The following SON variants were observed in gnomAD, a reference collection of about 807,000 sequenced individuals.
The protein encoded by SON is protein SON.
SON carries 4 observed loss-of-function variants against 173.3 expected under a neutral mutation model. That is an observed-to-expected ratio of 0.02 (90% confidence interval 0.01 to 0.05). The LOEUF is 0.05. SON is among the 10% of genes least tolerant of loss of function. The pLI is 1.00. For synonymous variants in SON, 1,190 were observed against 1,105.9 expected (o/e 1.08, Z -1.51); for missense variants, 2,626 against 3,055.3 (o/e 0.86, Z 3.31).
intron 6 of SON, chr21:33,560,363 C>T (rs1475109321): frequency 2.4e-6 from 3 of 1,255,470 alleles, no homozygotes; most frequent in South Asian, 2.5e-5. Context: ...TGTGTTTAAC[C>T]TAATGCTCAG....
At position 33,552,496 on chromosome 21, in the gene SON, G is replaced by C; in HGVS notation, c.3265G>C (p.Asp1089His). The C allele has an allele frequency of 6.2e-7, 1 of 1,613,984 alleles. No homozygotes were observed. The highest frequency in any genetic ancestry group is 8.5e-7 in the Non-Finnish European group (1 of 1,179,978). The change falls in exon 3 of 12, where the codon GAC becomes CAC. Residue 1089 changes from aspartate to histidine, a missense_variant. This residue lies in a region of SON where 366 missense variants were observed against 448.6 expected (regional missense o/e 0.82). Transcript: ENST00000356577. This position sits in a 1 kb window ranked among gnomAD's most constrained non-coding sequence, Gnocchi z 5.6. ...TCGATCTATGATGTCCATGGGTGCT[G>C]ACCGGTCTATGATGTCGTCATACTC... ...ADRSMMSMGA[D>H]RSMMSSYSAA...
In SON at chr21:33,554,875, GGAA is replaced by G; in HGVS notation, c.5650_5652del (p.Arg1884del). 5 of 1,614,112 alleles carry G rather than the reference GGAA, an allele frequency of 3.1e-6. No individual in the cohort carries two copies. The highest frequency in any genetic ancestry group is 4.2e-6 in the Non-Finnish European group (5 of 1,180,024). ...CAGCAGATCAAGATCAAAGTCTAGA[GGAA>G]GAAGATCTGTATCAAAAGAGAAGCG... On this transcript the variant is annotated inframe_deletion, in exon 3 of 12. Transcript: ENST00000356577.
chr21:33,563,393 A>G (rs533498435), intron 6 of SON, among the ~76,000 whole-genome samples: 2 of 127,490 alleles, frequency 1.6e-5, no homozygotes, highest in Non-Finnish European at 3.7e-5. Flanking sequence ...TCTTGTATGC[A>G]TTAACCTCTT....
At position 33,554,282 on chromosome 21, in the gene SON, C is replaced by T. The variant is rs200562903; in HGVS notation, c.5051C>T (p.Pro1684Leu). The T allele has an allele frequency of 1.9e-6, 3 of 1,614,110 alleles. No homozygotes were observed. The highest frequency in any genetic ancestry group is 1.7e-5 in the Admixed American group (1 of 60,014). The stretch of plus-strand genomic sequence containing the variant: ...AGTAAGGATACAGAAGAACCATTAC[C>T]TGTAAAAGAGAGTGACCAGACATTA... ...LVSKDTEEPL[P>L]VKESDQTLAA... Residue 1684 changes from proline (P) to leucine (L), a missense_variant, in exon 3 of 12, where the codon CCT (proline) becomes CTT (leucine). Pro to Leu is a moderately conservative substitution (Grantham distance 98). Transcript: ENST00000356577.
At chr21:33,570,912 T>G (rs2086269840) in intron 8 of SON, among the ~76,000 whole-genome samples, 1 of 152,226 alleles carries the variant, frequency 6.6e-6, no homozygotes, top group Non-Finnish European at 1.5e-5. Context: ...GTTAATAACT[T>G]AAATAACTTT....
At chr21:33,569,185 C>G (rs1344280450) in intron 8 of SON, 98 bp downstream of exon 8, 9 of 689,424 alleles carry the variant, frequency 1.3e-5, no homozygotes, top group Middle Eastern at 2.7e-4. Flanking sequence ...TGACTCTAAC[C>G]AAAGTTCCAA....
intron 6 of SON, chr21:33,560,354 G>C: frequency 7.8e-7 from 1 of 1,278,132 alleles, no homozygotes; most frequent in Non-Finnish European, 9.9e-7. Flanking sequence ...TTAAATTCTT[G>C]TGTTTAACCT....
chr21:33,566,478 A>G (rs979654268), intron 6 of SON, among the ~76,000 whole-genome samples: 1 of 152,166 alleles, frequency 6.6e-6, no homozygotes, highest in African/African-American at 2.4e-5. Flanking sequence ...AAAGAAACAA[A>G]AGTGTTTCAG....
rs60295815 is a variant in SON at position 33,564,861 on chromosome 21, C to CAAA, written c.6658-2278_6658-2276dup. Among the ~76,000 whole-genome samples the CAAA allele has an allele frequency of 2.6e-3, 254 of 98,206 alleles. 4 individuals carry two copies. Among genetic ancestry groups the CAAA allele is most frequent in the African/African-American group, 8.9e-3 (230 of 25,728 alleles). The allele number at this position is 98,206 out of a possible 152,430, so 64.4% of individuals were successfully genotyped here. On this transcript the variant is annotated intron_variant, in intron 6 of 11. Coordinates refer to ENST00000356577, the MANE Select transcript of SON (RefSeq NM_138927.4). Reference sequence around the variant, plus strand: ...GGGCAATAAGGGCGAAACTCCATCTCAAAAAAAAAAAAAAAAAAAATGAAA... The same window carrying CAAA: ...GGGCAATAAGGGCGAAACTCCATCTCAAAAAAAAAAAAAAAAAAAAAAATGAAA...
chr21:33,545,967 A>G (rs1352731744), intron 1 of SON, among the ~76,000 whole-genome samples: 1 of 152,240 alleles, frequency 6.6e-6, no homozygotes, highest in East Asian at 1.9e-4. Context: ...TTTGTTTAAC[A>G]AAGAGTGTAC....
At chr21:33,561,132 A>G (rs2086063132) in intron 6 of SON, among the ~76,000 whole-genome samples, 1 of 152,244 alleles carries the variant, frequency 6.6e-6, no homozygotes, top group Non-Finnish European at 1.5e-5. Context: ...TAGCCAGTGC[A>G]ACTTACAGTT....
intron 9 of SON, 171 bp from the exon 10 acceptor site, chr21:33,575,425 C>G: frequency 2.1e-6 from 1 of 486,652 alleles, no homozygotes; most frequent in Non-Finnish European, 3.6e-6. Context: ...AATTTATATG[C>G]TGAAAAACAG....
At chr21:33,573,134 A>G (rs2086323604) in intron 8 of SON, 174 bp from the exon 9 acceptor site, 4 of 476,184 alleles carry the variant, frequency 8.4e-6, no homozygotes, top group African/African-American at 4.0e-5. Flanking sequence ...TTAATGTGCA[A>G]ATAATCAGAA....
At chr21:33,544,788 A>G (rs2085575828) in intron 1 of SON, among the ~76,000 whole-genome samples, 2 of 152,240 alleles carry the variant, frequency 1.3e-5, no homozygotes, top group Admixed American at 1.3e-4. Context: ...TTCCTTGTAG[A>G]TTAACTTTTA....
At chr21:33,569,207 A>G (rs897099581) in intron 8 of SON, 120 bp downstream of exon 8, 1 of 632,894 alleles carries the variant, frequency 1.6e-6, no homozygotes. Context: ...TAAATTTGCT[A>G]TGTGTATATG....
chr21:33,569,515 C>T (rs780645126), intron 8 of SON: 284 of 386,448 alleles, frequency 7.3e-4, no homozygotes, highest in Admixed American at 3.7e-3. Flanking sequence ...CAAGAGCCCT[C>T]TACCACCTTA....
At chr21:33,543,912 G>A (rs1230760746) in intron 1 of SON, among the ~76,000 whole-genome samples, 1 of 152,174 alleles carries the variant, frequency 6.6e-6, no homozygotes, top group Non-Finnish European at 1.5e-5. Flanking sequence ...TGTCATTGCT[G>A]GTAGACTTTA....
In SON at chr21:33,569,183, A is replaced by C. The variant is rs80077762; in HGVS notation, c.6885+96A>C. 1.3e-3 allele frequency: 909 copies of C among 702,868 alleles called. 8 individuals are homozygous for C. The African/African-American group carries it at 0.015, about 11-fold the overall frequency. 43.5% of individuals were successfully genotyped at this position (702,868 alleles called of 1,614,324 possible). The stretch of plus-strand genomic sequence containing the variant: ...CTGCATGAAAAGACCAGTGACTCTA[A>C]CCAAAGTTCCAAGTAAATTTGCTAT... On this transcript the variant is annotated intron_variant, in intron 8 of 11. Transcript: ENST00000356577.
Position 33,557,329 on chromosome 21 carries a change from G to T in SON, c.6321+13G>T. On this transcript the variant is annotated intron_variant, in intron 4 of 11. Transcript: ENST00000356577. The stretch of plus-strand genomic sequence containing the variant: ...AGAACTAACTGAGGTAAGCTAGACA[G>T]AATTTGTTTTCATTCTTAAATGGAT... The T allele has an allele frequency of 5.0e-6, 8 of 1,613,338 alleles. No individual in the cohort carries two copies. The highest frequency in any genetic ancestry group is 6.8e-6 in the Non-Finnish European group (8 of 1,179,718).
Sources: gnomAD v4.1 joint callset for allele counts (sites outside exome capture counted in the v4.1 genomes callset) on GRCh38, gnomAD v4.1.1 for gene constraint, gnomAD v4.1.1 regional missense constraint, Gnocchi (gnomAD v3.1) non-coding constraint, MANE v1.5 for transcripts, NCBI Gene and HGNC (gene_info 2026-07-23, HGNC 2026-07-21) for gene names.